Variants in PGGHG observed in about 807,000 individuals in gnomAD.
PGGHG encodes protein-glucosylgalactosylhydroxylysine glucosidase.
A neutral mutation model predicts 74.5 loss-of-function variants in PGGHG; 67 were observed. The observed-to-expected ratio is 0.90, with a 90% CI of 0.74 to 1.10. PGGHG has a LOEUF of 1.10. PGGHG is among the 50% of genes least tolerant of loss of function. The pLI is 0.00. For missense variants in PGGHG, 1,034 were observed against 981.5 expected (o/e 1.05, Z -0.72); for synonymous variants, 496 against 419.9 (o/e 1.18, Z -2.21).
Position 289,668 on chromosome 11 carries a change from C to T in PGGHG, c.-13-136C>T. On this transcript the variant is annotated intron_variant, in intron 1 of 13. Transcript: ENST00000409548. This position sits in a 1 kb window ranked among gnomAD's most constrained non-coding sequence, Gnocchi z 5.6. ...CTGCGAGGCCCCGTCTAGGAGGGGC[C>T]TCAGGAAAATCGGGGCTGCCCAGCT... 1 of 1,152,776 alleles carries T rather than the reference C, an allele frequency of 8.7e-7. No homozygotes were observed. Among genetic ancestry groups the T allele is most frequent in the Non-Finnish European group, 1.2e-6 (1 of 842,576 alleles). The allele number at this position is 1,152,776 out of a possible 1,614,324, so 71.4% of individuals were successfully genotyped here. A position where few individuals can be genotyped will look rare whatever the true frequency, so the allele number is the denominator to read the frequency against.
intron 4 of PGGHG, 153 bp from the exon 5 acceptor site, chr11:291,823 G>A (rs998376222): frequency 1.1e-5 from 12 of 1,091,076 alleles, no homozygotes; most frequent in Non-Finnish European, 5.1e-6. Flanking sequence ...AGAACTGGGT[G>A]GGCAGGTGGG....
In PGGHG at chr11:294,784, C is replaced by T; in HGVS notation, c.*35C>T. On this transcript the variant is annotated 3_prime_UTR_variant, in exon 14 of 14. Transcript: ENST00000409548. The stretch of plus-strand genomic sequence containing the variant: ...GTGGCTTCAGAGACGTCTCTTGGGC[C>T]TTCCCTCTGGCCACGTCTGCACCCA... The T allele has an allele frequency of 1.3e-6, 2 of 1,556,048 alleles. No homozygotes were observed. The highest frequency in any genetic ancestry group is 1.7e-6 in the Non-Finnish European group (2 of 1,146,924).
intron 5 of PGGHG, 80 bp from the exon 6 acceptor site, chr11:292,466 C>T: frequency 6.4e-7 from 1 of 1,561,856 alleles, no homozygotes; most frequent in Non-Finnish European, 8.8e-7. Flanking sequence ...CCCCCCTCCT[C>T]CAGGGCGAGG....
intron 6 of PGGHG, 23 bp from the exon 7 acceptor site, chr11:292,863 C>G: frequency 6.2e-7 from 1 of 1,613,728 alleles, no homozygotes; most frequent in Middle Eastern, 1.7e-4. Flanking sequence ...GCCCTGGCCT[C>G]TGTGCCTCCT....
chr11:294,367 T>C lies in PGGHG; in HGVS notation c.1909T>C (p.Ser637Pro). The C allele has an allele frequency of 1.2e-6, 2 of 1,613,132 alleles. No homozygotes were observed. Among genetic ancestry groups the C allele is most frequent in the African/African-American group, 1.3e-5 (1 of 75,020 alleles). Residue 637 changes from serine (S) to proline (P), a missense_variant, in exon 13 of 14, where the codon TCT (serine) becomes CCT (proline). Coordinates refer to ENST00000409548, the MANE Select transcript of PGGHG (RefSeq NM_025092.5). Reference sequence around the variant, plus strand: ...CTACCAGGGGAACAAGCTCAACTTCTCTTTTTCCGAGGACTCCGTGACCGT... The same window carrying C: ...CTACCAGGGGAACAAGCTCAACTTCCCTTTTTCCGAGGACTCCGTGACCGT... ...IFYQGNKLNF[S>P]FSEDSVTVEV...
At chr11:291,751 C>A (rs1199449142) in intron 4 of PGGHG, 2 of 555,938 alleles carry the variant, frequency 3.6e-6, no homozygotes, top group Admixed American at 3.8e-5. Context: ...ACACAAACGC[C>A]GGCTGGGGAG....
rs750711464 is a variant in PGGHG, at chr11:294,689, G to A, written c.2154G>A (p.Trp718Ter). Residue 718 changes from tryptophan to a stop codon, truncating the protein, a stop_gained, in exon 14 of 14, where the codon TGG becomes TGA. Coordinates refer to ENST00000409548, the MANE Select transcript of PGGHG (RefSeq NM_025092.5). LOFTEE classifies it low-confidence loss of function (END_TRUNC). ...GGGACCCGCTCCAGAGCCCCCTCTG[G>A]GTCACCCTGGGTTCCTCCAGCCCCA... ...DVRDPLQSPL[W>*]VTLGSSSPTE... is the part of the protein sequence containing the mutation. 2 of 1,613,340 alleles carry A rather than the reference G, an allele frequency of 1.2e-6. No individual in the cohort carries two copies. Among genetic ancestry groups the A allele is most frequent in the Admixed American group, 3.3e-5 (2 of 59,992 alleles).
At chr11:291,248 G>A in intron 4 of PGGHG, 135 bp downstream of exon 4, 1 of 1,139,848 alleles carries the variant, frequency 8.8e-7, no homozygotes, top group East Asian at 2.5e-5. Context: ...CCTGGAAGGT[G>A]TGCAGGAGTT....
chr11:292,188 T>A (rs1393349991), intron 5 of PGGHG, 93 bp downstream of exon 5: 10 of 1,419,740 alleles, frequency 7.0e-6, no homozygotes, highest in Non-Finnish European at 8.3e-6. Context: ...CCAGGCCCCC[T>A]CTGGACAAAG....
rs982293030 is a variant in PGGHG at position 294,725 on chromosome 11, C to G, written c.2190C>G (p.Leu730=). The G allele has an allele frequency of 2.5e-6, 4 of 1,603,792 alleles. No homozygotes were observed. Among genetic ancestry groups the G allele is most frequent in the Non-Finnish European group, 3.4e-6 (4 of 1,175,174 alleles). The change falls in exon 14 of 14, where the codon CTC becomes CTG. Residue 730 remains leucine (L), a synonymous_variant. Coordinates refer to ENST00000409548, the MANE Select transcript of PGGHG (RefSeq NM_025092.5). ...GTTCCTCCAGCCCCACCGAGTCACTCACTGTGGACCCTGCCTCTGAATAAT... is the reference window on the plus strand; with the variant it reads ...GTTCCTCCAGCCCCACCGAGTCACTGACTGTGGACCCTGCCTCTGAATAAT... The part of the protein sequence containing the change: ...TLGSSSPTES[L]TVDPASE
At position 293,459 on chromosome 11, in the gene PGGHG, C is replaced by G. The variant is rs376447033; in HGVS notation, c.1437C>G (p.Asp479Glu). 5.6e-6 allele frequency: 9 copies of G among 1,611,914 alleles called. No individual in the cohort carries two copies. The highest frequency in any genetic ancestry group is 7.6e-6 in the Non-Finnish European group (9 of 1,180,010). The stretch of plus-strand genomic sequence containing the variant: ...CTGACAAGATCAAGGTACCCTTTGA[C>G]GTGGAGCAGAACTTCCACCCGGAGT... ...AVADKIKVPF[D>E]VEQNFHPEFD... The change falls in exon 9 of 14, where the codon GAC becomes GAG. Residue 479 changes from aspartate to glutamate, a missense_variant. Coordinates refer to ENST00000409548, the MANE Select transcript of PGGHG (RefSeq NM_025092.5).
chr11:289,739 C>A lies in PGGHG; in HGVS notation c.-13-65C>A. 6.8e-7 allele frequency: 1 copy of A among 1,476,956 alleles called. No individual in the cohort carries two copies. Among genetic ancestry groups the A allele is most frequent in the Non-Finnish European group, 9.0e-7 (1 of 1,109,764 alleles). The allele number at this position is 1,476,956 out of a possible 1,614,324, so 91.5% of individuals were successfully genotyped here. On this transcript the variant is annotated intron_variant, in intron 1 of 13. Transcript: ENST00000409548. The surrounding 1 kb of genome is among the most constrained non-coding windows in gnomAD (Gnocchi z 5.6). ...TTCTGAGGGAGGCTTCAGGGGATTA[C>A]AGACGGTCTCAAGAGGGAGGCCCAG... is the stretch of plus-strand genomic sequence containing the variant.
rs565651926 is a variant in PGGHG at position 289,731 on chromosome 11, G to C, written c.-13-73G>C. 4 of 1,462,788 alleles carry C rather than the reference G, an allele frequency of 2.7e-6. No homozygotes were observed. The highest frequency in any genetic ancestry group is 2.5e-4 in the Middle Eastern group (1 of 4,068). The allele number at this position is 1,462,788 out of a possible 1,614,324, so 90.6% of individuals were successfully genotyped here. On this transcript the variant is annotated intron_variant, in intron 1 of 13. Coordinates refer to ENST00000409548, the MANE Select transcript of PGGHG (RefSeq NM_025092.5). The surrounding 1 kb of genome is among the most constrained non-coding windows in gnomAD (Gnocchi z 5.6). The stretch of plus-strand genomic sequence containing the variant: ...CCCCCCAGTTCTGAGGGAGGCTTCA[G>C]GGGATTACAGACGGTCTCAAGAGGG...
At position 293,918 on chromosome 11, in the gene PGGHG, C is replaced by T; in HGVS notation, c.1703C>T (p.Pro568Leu). The T allele has an allele frequency of 6.2e-7, 1 of 1,611,926 alleles. No individual in the cohort carries two copies. Among genetic ancestry groups the T allele is most frequent in the Non-Finnish European group, 8.5e-7 (1 of 1,179,330 alleles). Residue 568 changes from proline to leucine, a missense_variant, in exon 11 of 14, where the codon CCC (proline) becomes CTC (leucine). Transcript: ENST00000409548. ...LDRSFANMAE[P>L]FKVWTENADG... ...AGGAGCTTTGCCAACATGGCTGAAC[C>T]CTTCAAGGTCAGCCTGGCCACACCT...
Position 293,421 on chromosome 11 carries a change from T to C in PGGHG, c.1399T>C (p.Trp467Arg). ...CCTGGGTCTTCCCATCCCCAGCCAG[T>C]GGCTGGCGGTGGCTGACAAGATCAA... ...QDLGLPIPSQ[W>R]LAVADKIKVP... The change falls in exon 9 of 14, where the codon TGG becomes CGG. Residue 467 changes from tryptophan (W) to arginine (R), a missense_variant. Trp to Arg is a moderately radical substitution (Grantham distance 101). Coordinates refer to ENST00000409548, the MANE Select transcript of PGGHG (RefSeq NM_025092.5). 6.2e-7 allele frequency: 1 copy of C among 1,612,446 alleles called. No homozygotes were observed. Among genetic ancestry groups the C allele is most frequent in the Non-Finnish European group, 8.5e-7 (1 of 1,179,982 alleles).
At position 295,683 on chromosome 11, in the gene PGGHG, CT is replaced by C. The variant is rs1171834260; in HGVS notation, c.*935del. 4 of 152,408 alleles carry C rather than the reference CT, an allele frequency of 2.6e-5. No homozygotes were observed. Among genetic ancestry groups the C allele is most frequent in the Non-Finnish European group, 4.4e-5 (3 of 68,092 alleles). 9.4% of individuals were successfully genotyped at this position (152,408 alleles called of 1,614,324 possible). ...TTTGGTGCTGGGGAGAGCATTATTCCTCTGAGGAGCCGCTGTGCTTCCTTCT... is the reference window on the plus strand; with the variant it reads ...TTTGGTGCTGGGGAGAGCATTATTCCCTGAGGAGCCGCTGTGCTTCCTTCT... On this transcript the variant is annotated 3_prime_UTR_variant, in exon 14 of 14. Transcript: ENST00000409548.
At position 290,091 on chromosome 11, in the gene PGGHG, C is replaced by T. The variant is rs2078486363; in HGVS notation, c.259+16C>T. ...ACCAACACAGGTAGCGCCACCTGGC[C>T]TGCCTCACCCCTGCCCCAGGCATTG... On this transcript the variant is annotated intron_variant, in intron 2 of 13. Coordinates refer to ENST00000409548, the MANE Select transcript of PGGHG (RefSeq NM_025092.5). 6.6e-7 allele frequency: 1 copy of T among 1,511,100 alleles called. No homozygotes were observed. Among genetic ancestry groups the T allele is most frequent in the Non-Finnish European group, 8.8e-7 (1 of 1,130,614 alleles). The allele number at this position is 1,511,100 out of a possible 1,614,324, so 93.6% of individuals were successfully genotyped here. A position where few individuals can be genotyped will look rare whatever the true frequency, so the allele number is the denominator to read the frequency against.
chr11:291,188 A>T, intron 4 of PGGHG, 75 bp downstream of exon 4: 2 of 1,467,256 alleles, frequency 1.4e-6, no homozygotes, highest in Non-Finnish European at 1.8e-6. Flanking sequence ...CCTCCCTGGG[A>T]CCAGGGCTAT....
Position 293,402 on chromosome 11 carries a change from T to C in PGGHG, c.1380T>C (p.Gly460=). 6.2e-7 allele frequency: 1 copy of C among 1,612,560 alleles called. No homozygotes were observed. The highest frequency in any genetic ancestry group is 1.1e-5 in the South Asian group (1 of 91,072). The part of the protein sequence containing the change: ...RFAAALAQDL[G]LPIPSQWLAV... ...CTGCTGCCCTGGCCCAGGACCTGGG[T>C]CTTCCCATCCCCAGCCAGTGGCTGG... The change falls in exon 9 of 14, where the codon GGT becomes GGC. Residue 460 remains glycine (G), a synonymous_variant. Transcript: ENST00000409548.
Sources: allele counts gnomAD v4.1 joint callset, GRCh38; gene constraint gnomAD v4.1.1; non-coding constraint Gnocchi (gnomAD v3.1); transcripts MANE v1.5; gene names NCBI Gene and HGNC (gene_info 2026-07-23, HGNC 2026-07-21).